Variants in MAP4K4 observed in about 807,000 individuals in gnomAD.
The protein encoded by MAP4K4 is HPK/GCK-like kinase HGK.
In MAP4K4, 38 loss-of-function variants were observed where a neutral mutation model predicts 189.6. The ratio of observed to expected loss-of-function variants is 0.20; its 90% CI spans 0.15 to 0.26. The LOEUF is 0.26. MAP4K4 is among the 10% of genes least tolerant of loss of function. The pLI is 1.00. For synonymous variants in MAP4K4, 610 were observed against 624.3 expected (o/e 0.98, Z 0.34); for missense variants, 1,054 against 1,726.9 (o/e 0.61, Z 6.91).
chr2:101,788,067 G>T (rs1359456555), intron 2 of MAP4K4, among the ~76,000 whole-genome samples: 1 of 150,910 alleles, frequency 6.6e-6, no homozygotes, highest in Non-Finnish European at 1.5e-5. Context: ...GCCTCCCAAA[G>T]TTCTGGGATT....
intron 2 of MAP4K4, among the ~76,000 whole-genome samples, chr2:101,726,270 A>G (rs1382577270): frequency 1.3e-5 from 2 of 152,204 alleles, no homozygotes; most frequent in South Asian, 4.1e-4. Context: ...TGATTCAAGG[A>G]CTTTTGCAGA....
At chr2:101,890,479 C>T (rs575068136) in intron 32 of MAP4K4, among the ~76,000 whole-genome samples, 2 of 152,214 alleles carry the variant, frequency 1.3e-5, no homozygotes, top group African/African-American at 2.4e-5. Flanking sequence ...GTTTTGGTGA[C>T]GGAGTCTTGC....
chr2:101,771,967 A>C (rs77423358), intron 2 of MAP4K4, among the ~76,000 whole-genome samples: 1 of 152,136 alleles, frequency 6.6e-6, no homozygotes, highest in South Asian at 2.1e-4. Flanking sequence ...GCTGTGGTCT[A>C]TGGTGGGTCA....
intron 12 of MAP4K4, among the ~76,000 whole-genome samples, chr2:101,851,724 CTTTTTTT>C (rs36217584): frequency 7.8e-4 from 53 of 67,884 alleles, no homozygotes; most frequent in African/African-American, 1.8e-3. Context: ...TAACTGTCCT[CTTTTTTT>C]TTTTTTTTTT....
chr2:101,793,198 T>G (rs905252081), intron 3 of MAP4K4, among the ~76,000 whole-genome samples: 2 of 152,194 alleles, frequency 1.3e-5, no homozygotes, highest in African/African-American at 2.4e-5. Flanking sequence ...AACCAGATGG[T>G]GAGTCCTCAA....
intron 2 of MAP4K4, among the ~76,000 whole-genome samples, chr2:101,768,120 G>A (rs17026016): frequency 0.066 from 10,049 of 152,170 alleles, 421 homozygotes; most frequent in African/African-American, 0.12. Context: ...GCCTCTCTAA[G>A]AATATGATTA....
At chr2:101,850,635 A>G (rs2097255648) in intron 12 of MAP4K4, among the ~76,000 whole-genome samples, 1 of 152,230 alleles carries the variant, frequency 6.6e-6, no homozygotes, top group South Asian at 2.1e-4. Context: ...CAGTAATCAT[A>G]GTGTCCTGGC....
At chr2:101,709,555 C>A (rs139685988) in intron 2 of MAP4K4, among the ~76,000 whole-genome samples, 99 of 152,286 alleles carry the variant, frequency 6.5e-4, no homozygotes, top group African/African-American at 1.5e-3. Flanking sequence ...GCTATGAAGA[C>A]AAACTATTCA....
At chr2:101,876,066 G>A (rs2150117659) in intron 26 of MAP4K4, among the ~76,000 whole-genome samples, 1 of 152,360 alleles carries the variant, frequency 6.6e-6, no homozygotes, top group Non-Finnish European at 1.5e-5. Flanking sequence ...AGGAGGGACA[G>A]AGAAGGGGTT....
chr2:101,731,242 G>C (rs959846421), intron 2 of MAP4K4, among the ~76,000 whole-genome samples: 1 of 151,478 alleles, frequency 6.6e-6, no homozygotes, highest in Non-Finnish European at 1.5e-5. Flanking sequence ...TCAACCTTCC[G>C]AGTAGCTGGG....
chr2:101,835,061 A>G (rs1576474690), intron 8 of MAP4K4, among the ~76,000 whole-genome samples: 1 of 152,256 alleles, frequency 6.6e-6, no homozygotes, highest in East Asian at 1.9e-4. Context: ...GGCACGGCAC[A>G]TAGTTGCTGC....
At chr2:101,717,534 A>G (rs2049069887) in intron 2 of MAP4K4, among the ~76,000 whole-genome samples, 1 of 152,218 alleles carries the variant, frequency 6.6e-6, no homozygotes, top group Admixed American at 6.5e-5. Flanking sequence ...CTTGCCTTGA[A>G]TTAACCAGTT....
intron 2 of MAP4K4, among the ~76,000 whole-genome samples, chr2:101,737,823 C>T (rs534615390): frequency 6.6e-6 from 1 of 152,166 alleles, no homozygotes; most frequent in Non-Finnish European, 1.5e-5. Flanking sequence ...TCTCTCCCCC[C>T]TCTTTCTCCC....
At chr2:101,833,643 C>T (rs904714478) in intron 7 of MAP4K4, among the ~76,000 whole-genome samples, 1 of 150,900 alleles carries the variant, frequency 6.6e-6, no homozygotes, top group Admixed American at 6.6e-5. Flanking sequence ...AAAGAAATAT[C>T]ATCTGATAAG....
intron 2 of MAP4K4, among the ~76,000 whole-genome samples, chr2:101,766,928 C>T (rs555481739): frequency 6.6e-6 from 1 of 152,280 alleles, no homozygotes; most frequent in South Asian, 2.1e-4. Context: ...GGAGCGGGCT[C>T]TAGCAAGCAG....
At chr2:101,739,576 T>C (rs550704439) in intron 2 of MAP4K4, among the ~76,000 whole-genome samples, 2 of 152,328 alleles carry the variant, frequency 1.3e-5, no homozygotes, top group African/African-American at 4.8e-5. Context: ...TAGTGCCTTA[T>C]TGAACTAGGG....
At chr2:101,727,961 T>C (rs147716094) in intron 2 of MAP4K4, among the ~76,000 whole-genome samples, 3 of 152,252 alleles carry the variant, frequency 2.0e-5, no homozygotes, top group African/African-American at 7.2e-5. Context: ...AGAGCGAGAC[T>C]CCGTCTTGAA....
chr2:101,716,407 C>T (rs2048416731), intron 2 of MAP4K4, among the ~76,000 whole-genome samples: 1 of 151,948 alleles, frequency 6.6e-6, no homozygotes, highest in Non-Finnish European at 1.5e-5. Context: ...TGTGTCATTG[C>T]ACTCCAGCCT....
chr2:101,860,142 T>C lies in MAP4K4; in HGVS notation c.1704+278T>C, dbSNP rs576723156. On this transcript the variant is annotated intron_variant, in intron 15 of 32. Transcript: ENST00000324219. The stretch of plus-strand genomic sequence containing the variant: ...TAAACTAAAAGATTACATGACACAG[T>C]CACTCTTAAAAATGTGGATGAGGGA... The C allele has an allele frequency of 2.8e-5, 14 of 495,770 alleles. No homozygotes were observed. In the South Asian group the frequency reaches 2.9e-4, roughly 10 times the overall value. The allele number at this position is 495,770 out of a possible 1,614,324, so 30.7% of individuals were successfully genotyped here. A position where few individuals can be genotyped will look rare whatever the true frequency, so the allele number is the denominator to read the frequency against.
Sources: gnomAD v4.1 joint callset for allele counts (sites outside exome capture counted in the v4.1 genomes callset) on GRCh38, gnomAD v4.1.1 for gene constraint, MANE v1.5 for transcripts, NCBI Gene and HGNC (gene_info 2026-07-23, HGNC 2026-07-21) for gene names.